The following LRRC37A2 variants were observed in gnomAD, a reference collection of about 807,000 sequenced individuals.
The protein encoded by LRRC37A2 is leucine rich repeat containing 37 member A2, also known as leucine-rich repeat-containing protein 37A2.
Under a neutral mutation model 68.8 loss-of-function variants are expected in LRRC37A2, and 9 were observed. The ratio of observed to expected loss-of-function variants is 0.13; its 90% CI spans 0.08 to 0.23. LRRC37A2 has a LOEUF of 0.23. Ranked by LOEUF, LRRC37A2 falls within the 10% of genes least tolerant of loss-of-function variation. The pLI, the probability that LRRC37A2 is intolerant of heterozygous loss-of-function variation, is 1.00. For synonymous variants in LRRC37A2, 63 were observed against 367.6 expected, an observed-to-expected ratio of 0.17 and a Z score of 9.48; for missense variants, 168 against 950.4, an observed-to-expected ratio of 0.18 and a Z score of 10.82.
chr17:47,007,271 G>C, the LRRC37A2 span, among the ~76,000 whole-genome samples: 1 of 152,204 alleles, frequency 6.6e-6, no homozygotes, highest in East Asian at 1.9e-4. Flanking sequence ...TCCGCCTCCT[G>C]GGTTCAAGCA....
the LRRC37A2 span, among the ~76,000 whole-genome samples, chr17:46,874,527 G>T: frequency 6.6e-6 from 1 of 151,978 alleles, no homozygotes; most frequent in African/African-American, 2.4e-5. Flanking sequence ...TGGGAATCTG[G>T]GAACATACTC....
At chr17:46,711,872 G>A in the LRRC37A2 span, among the ~76,000 whole-genome samples, 57 of 152,302 alleles carry the variant, frequency 3.7e-4, no homozygotes, top group African/African-American at 1.4e-3. Flanking sequence ...GGCAGAGCAT[G>A]TGAAAAAGTC....
At chr17:46,789,789 C>T in the LRRC37A2 span, among the ~76,000 whole-genome samples, 1 of 152,212 alleles carries the variant, frequency 6.6e-6, no homozygotes, top group African/African-American at 2.4e-5. Context: ...TGGCCCTGGC[C>T]CTAAAGCCAG....
the LRRC37A2 span, among the ~76,000 whole-genome samples, chr17:46,788,123 G>A: frequency 5.3e-5 from 8 of 152,144 alleles, no homozygotes; most frequent in Non-Finnish European, 1.2e-4. Context: ...CCTTCAAAGA[G>A]GTGACATTCG....
chr17:47,020,532 C>T, the LRRC37A2 span, among the ~76,000 whole-genome samples: 1 of 150,972 alleles, frequency 6.6e-6, no homozygotes, highest in East Asian at 1.9e-4. Context: ...GTAATCCCAG[C>T]ACTTTGGGAG....
At chr17:46,938,699 T>C in the LRRC37A2 span, 2 of 1,613,880 alleles carry the variant, frequency 1.2e-6, no homozygotes, top group Admixed American at 1.7e-5. Context: ...AAGTACTTTA[T>C]GATAGGTGGG....
the LRRC37A2 span, among the ~76,000 whole-genome samples, chr17:46,688,360 A>AAAT: frequency 0.011 from 1,654 of 146,988 alleles, 92 homozygotes; most frequent in African/African-American, 0.041. Flanking sequence ...ATAAAAATAA[A>AAAT]AATAAATTTT....
At chr17:46,923,010 G>A in the LRRC37A2 span, 2 of 631,904 alleles carry the variant, frequency 3.2e-6, no homozygotes, top group African/African-American at 1.8e-5. Context: ...TTCCGTCGCC[G>A]GCCTCATTTC....
At chr17:46,923,090 G>A in the LRRC37A2 span, 297 of 813,520 alleles carry the variant, frequency 3.7e-4, no homozygotes, top group African/African-American at 4.6e-3. Flanking sequence ...GGCCGGCAGG[G>A]GAGGGAGGGT....
At chr17:46,936,152 G>C in the LRRC37A2 span, 2 of 985,586 alleles carry the variant, frequency 2.0e-6, no homozygotes, top group African/African-American at 3.5e-5. Flanking sequence ...CCAGCAGCCT[G>C]CTGGGCGCTC....
the LRRC37A2 span, chr17:46,818,817 G>A: frequency 6.5e-6 from 4 of 613,098 alleles, no homozygotes; most frequent in African/African-American, 7.4e-5. Context: ...TAAGGTAAGA[G>A]ATGAGTCTGT....
At chr17:46,729,574 G>C in the LRRC37A2 span, among the ~76,000 whole-genome samples, 2 of 152,098 alleles carry the variant, frequency 1.3e-5, no homozygotes, top group Non-Finnish European at 2.9e-5. Flanking sequence ...GAGGCTGCCA[G>C]AGCATGTTTG....
the LRRC37A2 span, among the ~76,000 whole-genome samples, chr17:47,032,539 A>G: frequency 6.6e-6 from 1 of 152,112 alleles, no homozygotes; most frequent in Non-Finnish European, 1.5e-5. Context: ...CTTACTTTCT[A>G]ACTTGAACAG....
At chr17:46,676,168 A>G in the LRRC37A2 span, among the ~76,000 whole-genome samples, 218 of 145,524 alleles carry the variant, frequency 1.5e-3, 2 homozygotes, top group African/African-American at 5.1e-3. Flanking sequence ...GGAAATTAAC[A>G]AAAAATATTT....
the LRRC37A2 span, among the ~76,000 whole-genome samples, chr17:46,999,385 G>A: frequency 3.9e-5 from 6 of 152,272 alleles, no homozygotes; most frequent in South Asian, 1.0e-3. Flanking sequence ...GAGACTGGGT[G>A]TCCCTCTCAT....
the LRRC37A2 span, among the ~76,000 whole-genome samples, chr17:46,750,715 G>A: frequency 2.6e-5 from 4 of 152,112 alleles, no homozygotes; most frequent in African/African-American, 7.2e-5. Context: ...ACTTGGACCA[G>A]AAACTTGAAT....
the LRRC37A2 span, among the ~76,000 whole-genome samples, chr17:46,890,993 C>T: frequency 2.6e-5 from 4 of 152,112 alleles, no homozygotes; most frequent in South Asian, 2.1e-4. Context: ...GAAACTGAGG[C>T]ACAGCGAAAT....
At chr17:46,825,751 T>G in the LRRC37A2 span, among the ~76,000 whole-genome samples, 1 of 152,212 alleles carries the variant, frequency 6.6e-6, no homozygotes, top group Non-Finnish European at 1.5e-5. Flanking sequence ...AGGCCAGGCA[T>G]GGTGGCTCAT....
the LRRC37A2 span, chr17:46,876,494 A>G: frequency 1.9e-5 from 31 of 1,613,508 alleles, no homozygotes; most frequent in Non-Finnish European, 2.2e-5. Flanking sequence ...CCTGGTGTAC[A>G]TGGAGGACTC....
Sources: gnomAD v4.1 joint callset for allele counts (sites outside exome capture counted in the v4.1 genomes callset) on GRCh38, gnomAD v4.1.1 for gene constraint, MANE v1.5 for transcripts, NCBI Gene and HGNC (gene_info 2026-07-23, HGNC 2026-07-21) for gene names.